Variants in CEP85L observed in about 807,000 individuals in gnomAD.
CEP85L encodes centrosomal protein 85L.
A neutral mutation model predicts 100.3 loss-of-function variants in CEP85L; 60 were observed. That is an observed-to-expected ratio of 0.60 (90% CI 0.49 to 0.74). The LOEUF (loss-of-function observed/expected upper bound fraction) is 0.74, where lower values mean the gene tolerates loss of function less well. CEP85L is among the 30% of genes least tolerant of loss of function. The probability of loss-of-function intolerance (pLI) is 0.00; values close to 1 mark genes in which losing one functional copy is unlikely to be tolerated. For missense variants in CEP85L, 973 were observed against 936.2 expected (o/e 1.04, Z -0.51); for synonymous variants, 319 against 322.7 (o/e 0.99, Z 0.12).
chr6:118,642,295 T>C (rs1774930919), intron 1 of CEP85L, among the ~76,000 whole-genome samples: 1 of 151,990 alleles, frequency 6.6e-6, no homozygotes, highest in Non-Finnish European at 1.5e-5. Flanking sequence ...GTAAAATGTG[T>C]CAAAAAAATA....
At chr6:118,666,776 A>AG (rs1776145963) in intron 1 of CEP85L, among the ~76,000 whole-genome samples, 1 of 151,674 alleles carries the variant, frequency 6.6e-6, no homozygotes, top group Non-Finnish European at 1.5e-5. Context: ...AAAAAAAAAA[A>AG]GGAAACAGGG....
chr6:118,594,121 A>G (rs992512428), intron 2 of CEP85L, among the ~76,000 whole-genome samples: 5 of 152,136 alleles, frequency 3.3e-5, no homozygotes, highest in African/African-American at 9.7e-5. Flanking sequence ...CATATATACA[A>G]TGATTAGGGG....
Position 118,558,947 on chromosome 6 carries a change from G to A in CEP85L, c.1020+6582C>T, listed in dbSNP as rs754782171. ...ATGGAGAAAGTCCAATACCTCACTC[G>A]CTCAGCTATAAGAAGAGCCTCAACC... On this transcript the variant is annotated intron_variant, in intron 3 of 12. Coordinates refer to ENST00000368491, the MANE Select transcript of CEP85L (RefSeq NM_001042475.3). The A allele has an allele frequency of 7.4e-6, 12 of 1,613,690 alleles. No individual in the cohort carries two copies. The highest frequency in any genetic ancestry group is 1.7e-5 in the Admixed American group (1 of 60,012).
At chr6:118,688,668 G>T (rs1207303066) in intron 1 of CEP85L, among the ~76,000 whole-genome samples, 1 of 152,148 alleles carries the variant, frequency 6.6e-6, no homozygotes, top group Non-Finnish European at 1.5e-5. Flanking sequence ...GACAAATCAT[G>T]GGCCAGATTT....
intron 1 of CEP85L, among the ~76,000 whole-genome samples, chr6:118,643,905 G>A (rs894568312): frequency 6.6e-6 from 1 of 152,146 alleles, no homozygotes; most frequent in Non-Finnish European, 1.5e-5. Flanking sequence ...TTCAGTGTAA[G>A]GAATCCCAGA....
intron 1 of CEP85L, among the ~76,000 whole-genome samples, chr6:118,649,048 CAG>C (rs1373482807): frequency 2.0e-5 from 3 of 152,150 alleles, no homozygotes; most frequent in African/African-American, 7.2e-5. Context: ...TGAATCAACT[CAG>C]AGGTCATTAT....
chr6:118,698,539 A>G (rs997564013), intron 1 of CEP85L, among the ~76,000 whole-genome samples: 2 of 34,624 alleles, frequency 5.8e-5, no homozygotes, highest in South Asian at 8.6e-4. Flanking sequence ...GCTGAAGCAG[A>G]AAAAAAAAAA....
At chr6:118,592,520 G>A (rs1470224377) in intron 2 of CEP85L, among the ~76,000 whole-genome samples, 2 of 152,066 alleles carry the variant, frequency 1.3e-5, no homozygotes, top group African/African-American at 2.4e-5. Flanking sequence ...TGGAAGTGAT[G>A]TTATTTGAAT....
chr6:118,465,601 CA>C (rs1301423510), intron 12 of CEP85L, 33 bp from the exon 13 acceptor site: 2 of 1,595,798 alleles, frequency 1.3e-6, no homozygotes, highest in Non-Finnish European at 1.7e-6. Flanking sequence ...GAATATCTCA[CA>C]TTTTTTTGAA....
intron 2 of CEP85L, among the ~76,000 whole-genome samples, chr6:118,604,935 C>T (rs1174440821): frequency 8.7e-6 from 1 of 114,676 alleles, no homozygotes; most frequent in African/African-American, 3.1e-5. Context: ...ATTAAAGTTT[C>T]CATTTTTCTG....
chr6:118,693,310 T>G (rs1037912875), intron 1 of CEP85L, among the ~76,000 whole-genome samples: 1 of 152,202 alleles, frequency 6.6e-6, no homozygotes, highest in African/African-American at 2.4e-5. Flanking sequence ...TTCTTAAAAA[T>G]TTCCATGCTT....
chr6:118,693,880 A>G (rs781605306), intron 1 of CEP85L, among the ~76,000 whole-genome samples: 3 of 152,174 alleles, frequency 2.0e-5, no homozygotes, highest in African/African-American at 7.2e-5. Context: ...TTAGCCCCCA[A>G]TTTCAAAGTC....
intron 3 of CEP85L, among the ~76,000 whole-genome samples, chr6:118,553,215 T>TAAAAAAA (rs59502810): frequency 7.2e-6 from 1 of 138,940 alleles, no homozygotes; most frequent in Non-Finnish European, 1.6e-5. Flanking sequence ...GTTAAGAAAT[T>TAAAAAAA]AAAAAAAAAA....
At chr6:118,535,614 C>T (rs1324300250) in intron 3 of CEP85L, among the ~76,000 whole-genome samples, 3 of 152,174 alleles carry the variant, frequency 2.0e-5, no homozygotes, top group Admixed American at 1.3e-4. Flanking sequence ...CATTTTGTTT[C>T]CTCTCACCCA....
intron 3 of CEP85L, among the ~76,000 whole-genome samples, chr6:118,562,398 C>T (rs542883613): frequency 3.9e-5 from 6 of 151,942 alleles, no homozygotes; most frequent in Non-Finnish European, 8.8e-5. Flanking sequence ...GGGTGTTACT[C>T]TGTCATGCAG....
At chr6:118,653,642 A>G (rs2115393619), upstream of CEP85L, among the ~76,000 whole-genome samples, 1 of 152,280 alleles carries the variant, frequency 6.6e-6, no homozygotes, top group Non-Finnish European at 1.5e-5. Flanking sequence ...TGTTAGGACT[A>G]CAAGGAGAAT....
intron 1 of CEP85L, among the ~76,000 whole-genome samples, chr6:118,634,071 A>G (rs1487825328): frequency 6.6e-6 from 1 of 152,256 alleles, no homozygotes; most frequent in African/African-American, 2.4e-5. Flanking sequence ...CGGTTGAAAT[A>G]GCAGTTGCTT....
chr6:118,661,789 A>C (rs1029354387), intron 1 of CEP85L, among the ~76,000 whole-genome samples: 1 of 152,222 alleles, frequency 6.6e-6, no homozygotes, highest in Non-Finnish European at 1.5e-5. Flanking sequence ...ATAGAGAAGG[A>C]AGACAATTGT....
intron 2 of CEP85L, among the ~76,000 whole-genome samples, chr6:118,572,923 G>T (rs766154122): frequency 6.6e-6 from 1 of 152,004 alleles, no homozygotes; most frequent in Non-Finnish European, 1.5e-5. Flanking sequence ...TTAGCCGGGC[G>T]CAGTGGTGCA....
Sources: gnomAD v4.1 joint callset for allele counts (sites outside exome capture counted in the v4.1 genomes callset) on GRCh38, gnomAD v4.1.1 for gene constraint, MANE v1.5 for transcripts, NCBI Gene and HGNC (gene_info 2026-07-23, HGNC 2026-07-21) for gene names.